Variants in FAM200A observed in about 807,000 individuals in gnomAD.
The protein encoded by FAM200A is protein FAM200A.
Under a neutral mutation model 44.2 loss-of-function variants are expected in FAM200A, and 26 were observed. The ratio of observed to expected loss-of-function variants is 0.59; its 90% CI spans 0.43 to 0.82. The LOEUF (loss-of-function observed/expected upper bound fraction) is 0.82. FAM200A is among the 40% of genes least tolerant of loss of function. The pLI is 0.00. For synonymous variants in FAM200A, 206 were observed against 244.4 expected, an observed-to-expected ratio of 0.84 and a Z score of 1.47; for missense variants, 606 against 669.5, an observed-to-expected ratio of 0.91 and a Z score of 1.05.
intron 1 of FAM200A, among the ~76,000 whole-genome samples, chr7:99,557,183 G>C (rs955629165): frequency 2.0e-5 from 3 of 152,224 alleles, no homozygotes; most frequent in African/African-American, 7.2e-5. Flanking sequence ...GTTTTGATGA[G>C]TACTGGTGGG....
Position 99,546,836 on chromosome 7 carries a change from A to G in FAM200A, c.1572T>C (p.Tyr524=). The part of the protein sequence containing the change: ...ILLLLPFTTT[Y]LCELGFSILT... ...AGATTGAAAATCCTAGTTCACACAA[A>G]TATGTAGTTGTGAATGGTAGTAACA... Residue 524 remains tyrosine (Y), a synonymous_variant, in exon 2 of 2, where the codon TAT becomes TAC. Transcript: ENST00000449309. 3 of 1,551,656 alleles carry G rather than the reference A, an allele frequency of 1.9e-6. No individual in the cohort carries two copies. The highest frequency in any genetic ancestry group is 2.6e-6 in the Non-Finnish European group (3 of 1,146,990).
upstream of FAM200A, among the ~76,000 whole-genome samples, chr7:99,556,075 T>C (rs1802669384): frequency 6.6e-6 from 1 of 152,154 alleles, no homozygotes; most frequent in African/African-American, 2.4e-5. Context: ...GGAACAACTT[T>C]CTTTTACCTT....
rs1344698591 is a variant in FAM200A, at chr7:99,547,582, G to A, written c.826C>T (p.Leu276=). ...KTVNFIKGSS[L]NSRLLEIFCS... is the part of the protein sequence containing the mutation. ...AATATTTCGAGAAGTCGGCTATTCA[G>A]TGAGCTTCCTTTAATAAAATTAACA... is the stretch of plus-strand genomic sequence containing the variant. Residue 276 remains leucine (L), a synonymous_variant, in exon 2 of 2, where the codon CTG becomes TTG. Transcript: ENST00000449309. 6.4e-7 allele frequency: 1 copy of A among 1,551,306 alleles called. No individual in the cohort carries two copies. Among genetic ancestry groups the A allele is most frequent in the African/African-American group, 1.4e-5 (1 of 73,048 alleles).
At chr7:99,554,753 C>T (rs187431288), upstream of FAM200A, among the ~76,000 whole-genome samples, 5 of 152,254 alleles carry the variant, frequency 3.3e-5, no homozygotes, top group East Asian at 3.9e-4. Flanking sequence ...CAGGGCAACG[C>T]GAGTGGGGCT....
At chr7:99,554,037 T>G (rs1433873057), upstream of FAM200A, among the ~76,000 whole-genome samples, 2 of 152,154 alleles carry the variant, frequency 1.3e-5, no homozygotes, top group Non-Finnish European at 2.9e-5. Context: ...TCAATTCTGG[T>G]AAGAACAAAT....
chr7:99,558,322 T>A (rs1269889948), exon 1 of FAM200A: 1 of 152,218 alleles, frequency 6.6e-6, no homozygotes, highest in African/African-American at 2.4e-5. Context: ...GCCGCCTCCT[T>A]GCAGGGAGTC....
chr7:99,553,421 G>C (rs1039154615), upstream of FAM200A, among the ~76,000 whole-genome samples: 1 of 152,098 alleles, frequency 6.6e-6, no homozygotes, highest in Non-Finnish European at 1.5e-5. Flanking sequence ...TTTATGTTGT[G>C]TGTGTGGCAG....
At position 99,547,075 on chromosome 7, in the gene FAM200A, A is replaced by T. The variant is rs1382830163; in HGVS notation, c.1333T>A (p.Ser445Thr). Residue 445 changes from serine to threonine, a missense_variant, in exon 2 of 2, where the codon TCA (serine) becomes ACA (threonine). Ser to Thr is a moderately conservative substitution (Grantham distance 58). Transcript: ENST00000449309. ...NYYFPEEKFE[S>T]LKENIWMKDP... ...TTCATCCAAATATTTTCCTTTAATG[A>T]TTCAAATTTCTCTTCCGGAAAGTAA... 8 of 1,546,546 alleles carry T rather than the reference A, an allele frequency of 5.2e-6. No homozygotes were observed. Among genetic ancestry groups the T allele is most frequent in the Non-Finnish European group, 7.0e-6 (8 of 1,145,812 alleles).
chr7:99,546,988 C>CT lies in FAM200A; in HGVS notation c.1419dup (p.Glu474ArgfsTer3). ...GAACTGAGCTGCAATAATTCATTCT[C>CT]TTCTTCAGGCTCCAAGTTTAACTCA... On this transcript the variant is annotated frameshift_variant, in exon 2 of 2. Coordinates refer to ENST00000449309, the MANE Select transcript of FAM200A (RefSeq NM_145111.4). LOFTEE classifies it high-confidence loss of function. The CT allele has an allele frequency of 2.6e-6, 4 of 1,550,218 alleles. No individual in the cohort carries two copies. Among genetic ancestry groups the CT allele is most frequent in the Non-Finnish European group, 3.5e-6 (4 of 1,146,774 alleles).
chr7:99,551,223 A>ACT (rs1300039666), intron 1 of FAM200A, among the ~76,000 whole-genome samples: 1 of 150,470 alleles, frequency 6.6e-6, no homozygotes, highest in African/African-American at 2.4e-5. Context: ...ACAGAGTCTC[A>ACT]CTCTCTCTCT....
At position 99,548,080 on chromosome 7, in the gene FAM200A, G is replaced by C; in HGVS notation, c.328C>G (p.Leu110Val). ...CGACGAGATATTGTATTATCACTAA[G>C]AGGTATAGTTCTTAGTTTATCAGCT... ...KSADKLRTIP[L>V]SDNTISRRIC... Residue 110 changes from leucine to valine, a missense_variant, in exon 2 of 2, where the codon CTT becomes GTT. Leu to Val is a conservative substitution (Grantham distance 32). Coordinates refer to ENST00000449309, the MANE Select transcript of FAM200A (RefSeq NM_145111.4). 6.4e-7 allele frequency: 1 copy of C among 1,551,624 alleles called. No individual in the cohort carries two copies. Among genetic ancestry groups the C allele is most frequent in the East Asian group, 2.4e-5 (1 of 40,918 alleles).
At position 99,548,526 on chromosome 7, in the gene FAM200A, A is replaced by G; in HGVS notation, c.-99-20T>C. The G allele has an allele frequency of 6.1e-6, 9 of 1,473,006 alleles. No individual in the cohort carries two copies. The highest frequency in any genetic ancestry group is 8.1e-6 in the Non-Finnish European group (9 of 1,111,654). The allele number at this position is 1,473,006 out of a possible 1,614,324, so 91.2% of individuals were successfully genotyped here. On this transcript the variant is annotated intron_variant, in intron 1 of 1. Transcript: ENST00000449309. ...GCTATCCTGCAGGGTAGAAAAACGT[A>G]ACAGCAGTATTAAAAAGCAACATGG...
chr7:99,557,874 TG>T lies in FAM200A; in HGVS notation c.-100+425del, dbSNP rs888312300. Among the ~76,000 whole-genome samples, 713 of 152,360 alleles carry T rather than the reference TG, an allele frequency of 4.7e-3. 7 individuals are homozygous for T. The highest frequency in any genetic ancestry group is 0.016 in the African/African-American group (658 of 41,592). On this transcript the variant is annotated intron_variant, in intron 1 of 1. Coordinates refer to the FAM200A transcript ENST00000408938. ...CACTTTTCTGATTCTCTAAGAGGCTTGCCTATGCCTTGCAGATCTAGCTTCA... is the reference window on the plus strand; with the variant it reads ...CACTTTTCTGATTCTCTAAGAGGCTTCCTATGCCTTGCAGATCTAGCTTCA...
chr7:99,553,434 A>G (rs759806208), upstream of FAM200A, among the ~76,000 whole-genome samples: 44 of 152,078 alleles, frequency 2.9e-4, no homozygotes, highest in Non-Finnish European at 5.6e-4. Flanking sequence ...TGTGGCAGGA[A>G]TTGTAGGCAT....
rs917411876 is a variant in FAM200A, at chr7:99,551,866, A to T, written c.-112T>A. On this transcript the variant is annotated 5_prime_UTR_variant, in exon 1 of 2. Transcript: ENST00000449309. ...GTTCCCTTCCCACCTGTATCCAGGGACACCTCTGCTGGGGGACAGCGCTTG... is the reference window on the plus strand; with the variant it reads ...GTTCCCTTCCCACCTGTATCCAGGGTCACCTCTGCTGGGGGACAGCGCTTG... The T allele has an allele frequency of 2.5e-5, 25 of 985,516 alleles. No homozygotes were observed. In the African/African-American group the frequency reaches 3.0e-4, roughly 12 times the overall value. The allele number at this position is 985,516 out of a possible 1,614,324, so 61.0% of individuals were successfully genotyped here.
chr7:99,551,779 G>A (rs968794880), intron 1 of FAM200A, 75 bp downstream of exon 1: 47 of 974,612 alleles, frequency 4.8e-5, no homozygotes, highest in Middle Eastern at 5.3e-4. Flanking sequence ...GGGTCCAGAA[G>A]GGACACGCAG....
chr7:99,546,594 C>A lies in FAM200A; in HGVS notation c.*92G>T. On this transcript the variant is annotated 3_prime_UTR_variant, in exon 2 of 2. Coordinates refer to ENST00000449309, the MANE Select transcript of FAM200A (RefSeq NM_145111.4). Reference sequence around the variant, plus strand: ...ATGTTGGCCAGGCTGGTCTTGAACTCAAGTGATCTGCCCACCTCGGTCTCC... The same window carrying A: ...ATGTTGGCCAGGCTGGTCTTGAACTAAAGTGATCTGCCCACCTCGGTCTCC... The A allele has an allele frequency of 7.4e-7, 1 of 1,351,938 alleles. No individual in the cohort carries two copies. Among genetic ancestry groups the A allele is most frequent in the Non-Finnish European group, 9.6e-7 (1 of 1,040,884 alleles). 83.7% of individuals were successfully genotyped at this position (1,351,938 alleles called of 1,614,324 possible).
In FAM200A at chr7:99,552,029, G is replaced by C. The variant is rs1802547357; in HGVS notation, c.-275C>G. ...CGCCCGGAGAAGTCTGGGATGCTGG[G>C]ATAGAAGGGGTTGTGACTTTGGGGA... On this transcript the variant is annotated 5_prime_UTR_variant, in exon 1 of 2. The change creates a new upstream start codon in the 5' untranslated region. Coordinates refer to ENST00000449309, the MANE Select transcript of FAM200A (RefSeq NM_145111.4). 1.0e-6 allele frequency: 1 copy of C among 985,512 alleles called. No individual in the cohort carries two copies. The highest frequency in any genetic ancestry group is 1.2e-6 in the Non-Finnish European group (1 of 830,070). The allele number at this position is 985,512 out of a possible 1,614,324, so 61.0% of individuals were successfully genotyped here.
upstream of FAM200A, among the ~76,000 whole-genome samples, chr7:99,552,814 G>A (rs1562926884): frequency 6.6e-6 from 1 of 151,682 alleles, no homozygotes; most frequent in Non-Finnish European, 1.5e-5. Context: ...CAAAAGGAAC[G>A]GCTACCTGAT....
Sources: allele counts gnomAD v4.1 joint callset (sites outside exome capture counted in the v4.1 genomes callset), GRCh38; gene constraint gnomAD v4.1.1; transcripts MANE v1.5; gene names NCBI Gene and HGNC (gene_info 2026-07-23, HGNC 2026-07-21).